PPP2R5D: variants seen among roughly 807,000 people sequenced by gnomAD.
PPP2R5D encodes protein phosphatase 2 regulatory subunit B'delta.
A neutral mutation model predicts 79.1 loss-of-function variants in PPP2R5D; 12 were observed. That is an observed-to-expected ratio of 0.15 (90% confidence interval 0.10 to 0.25). PPP2R5D has a LOEUF of 0.25. Among genes scored for constraint, PPP2R5D ranks in the 10% least tolerant of loss-of-function variants. The pLI is 1.00. For synonymous variants in PPP2R5D, 277 were observed against 286.6 expected, an observed-to-expected ratio of 0.97 and a Z score of 0.34; for missense variants, 419 against 760.2, an observed-to-expected ratio of 0.55 and a Z score of 5.28.
At position 43,007,129 on chromosome 6, in the gene PPP2R5D, C is replaced by T. The variant is rs751190730; in HGVS notation, c.522+19C>T. 53 of 1,613,970 alleles carry T rather than the reference C, an allele frequency of 3.3e-5. No individual in the cohort carries two copies. The highest frequency in any genetic ancestry group is 4.3e-5 in the Non-Finnish European group (51 of 1,179,992). On this transcript the variant is annotated intron_variant, in intron 4 of 15. Coordinates refer to ENST00000485511, the MANE Select transcript of PPP2R5D (RefSeq NM_006245.4). The surrounding 1 kb of genome is among the most constrained non-coding windows in gnomAD (Gnocchi z 4.5). ...CACCATGGTGGGCACAGGGAAAGGA[C>T]ACAGGGGGGACTGGTGAGGGGCTCT...
At chr6:42,999,454 C>T (rs937688355) in intron 2 of PPP2R5D, among the ~76,000 whole-genome samples, 7 of 152,206 alleles carry the variant, frequency 4.6e-5, no homozygotes, top group Admixed American at 1.3e-4. Flanking sequence ...GCAGGGCAGA[C>T]TAAGCCCATT....
rs552362927 is a variant in PPP2R5D at position 42,988,424 on chromosome 6, T to G, written c.28-1187T>G. Among the ~76,000 whole-genome samples, 4 of 152,294 alleles carry G rather than the reference T, an allele frequency of 2.6e-5. No individual in the cohort carries two copies. In the East Asian group the frequency reaches 5.8e-4, roughly 22 times the overall value. On this transcript the variant is annotated intron_variant, in intron 1 of 15. Transcript: ENST00000485511. ...TAGTGCAATTGCTCCATGATAAAAT[T>G]CTTCCTTGTTTGGAGCTTCAGGTGG...
chr6:43,010,940 C>T lies in PPP2R5D; in HGVS notation c.1614C>T (p.Thr538=), dbSNP rs150410961. ...LPPVYSMETE[T]PTAEDIQLLK... ...CTGTGTACTCGATGGAGACAGAGACCCCCACAGCTGAGGACATCCAGCTTC... is the reference window on the plus strand; with the variant it reads ...CTGTGTACTCGATGGAGACAGAGACTCCCACAGCTGAGGACATCCAGCTTC... Residue 538 remains threonine, a synonymous_variant, in exon 15 of 16, where the codon ACC becomes ACT. Transcript: ENST00000485511. The surrounding 1 kb of genome is among the most constrained non-coding windows in gnomAD (Gnocchi z 4.7). 6.1e-5 allele frequency: 99 copies of T among 1,614,146 alleles called. 1 individual carries two copies. In the African/African-American group the frequency reaches 1.1e-3, roughly 18 times the overall value.
intron 2 of PPP2R5D, among the ~76,000 whole-genome samples, chr6:43,001,435 G>C (rs113150048): frequency 0.011 from 1,710 of 152,200 alleles, 34 homozygotes; most frequent in African/African-American, 0.038. Context: ...CACTGTGCCC[G>C]GCCAGGATCC....
rs147389049 is a variant in PPP2R5D, at chr6:43,009,941, T to C, written c.1379+492T>C. Among the ~76,000 whole-genome samples, 446 of 152,194 alleles carry C rather than the reference T, an allele frequency of 2.9e-3. 3 individuals are homozygous for C. The highest frequency in any genetic ancestry group is 0.01 in the African/African-American group (416 of 41,530). ...AAAATTAGCTGGGTGTAGTGGTGGA[T>C]GCCTGTAGTCCCAGCTACTTGGGAG... On this transcript the variant is annotated intron_variant, in intron 12 of 15. Transcript: ENST00000485511. The surrounding 1 kb of genome is among the most constrained non-coding windows in gnomAD (Gnocchi z 5.6).
At position 43,006,720 on chromosome 6, in the gene PPP2R5D, A is replaced by G; in HGVS notation, c.322+41A>G. 1 of 1,601,336 alleles carries G rather than the reference A, an allele frequency of 6.2e-7. No individual in the cohort carries two copies. The highest frequency in any genetic ancestry group is 8.5e-7 in the Non-Finnish European group (1 of 1,171,682). ...TCACAGGGGCTGTTTTACCAGTTCT[A>G]GTGGGCATCGGGAGTTGGTGGAATG... On this transcript the variant is annotated intron_variant, in intron 3 of 15. Coordinates refer to ENST00000485511, the MANE Select transcript of PPP2R5D (RefSeq NM_006245.4). The surrounding 1 kb of genome is among the most constrained non-coding windows in gnomAD (Gnocchi z 4.7).
intron 1 of PPP2R5D, among the ~76,000 whole-genome samples, chr6:42,988,279 C>T (rs1771003132): frequency 6.6e-6 from 1 of 152,198 alleles, no homozygotes; most frequent in South Asian, 2.1e-4. Context: ...TTCCAAGATC[C>T]TCCAGTCCTC....
chr6:43,004,479 C>G (rs1259086112), intron 2 of PPP2R5D, among the ~76,000 whole-genome samples: 2 of 151,714 alleles, frequency 1.3e-5, no homozygotes, highest in African/African-American at 4.8e-5. Flanking sequence ...TTAGCTCTTT[C>G]CTCATTAGAT....
chr6:42,991,002 G>A (rs1771227210), intron 2 of PPP2R5D, among the ~76,000 whole-genome samples: 1 of 152,112 alleles, frequency 6.6e-6, no homozygotes, highest in African/African-American at 2.4e-5. Flanking sequence ...GTGAGCCACT[G>A]CACCCGGCCC....
intron 2 of PPP2R5D, among the ~76,000 whole-genome samples, chr6:43,001,680 C>T (rs569378652): frequency 2.0e-5 from 3 of 151,820 alleles, no homozygotes; most frequent in Non-Finnish European, 2.9e-5. Flanking sequence ...GTCAGGAGAT[C>T]GAGATCAGCC....
chr6:43,009,902 C>G lies in PPP2R5D; in HGVS notation c.1379+453C>G, dbSNP rs898123294. Among the ~76,000 whole-genome samples, 1 of 152,114 alleles carries G rather than the reference C, an allele frequency of 6.6e-6. No homozygotes were observed. The highest frequency in any genetic ancestry group is 1.5e-5 in the Non-Finnish European group (1 of 68,010). ...GCCCAACATAGTGAAACCCCCATCTCTACTAAAAATACAAAAATTAGCTGG... is the reference window on the plus strand; with the variant it reads ...GCCCAACATAGTGAAACCCCCATCTGTACTAAAAATACAAAAATTAGCTGG... On this transcript the variant is annotated intron_variant, in intron 12 of 15. Coordinates refer to ENST00000485511, the MANE Select transcript of PPP2R5D (RefSeq NM_006245.4). This position sits in a 1 kb window ranked among gnomAD's most constrained non-coding sequence, Gnocchi z 5.6.
intron 2 of PPP2R5D, among the ~76,000 whole-genome samples, chr6:42,992,567 G>A (rs1771345157): frequency 6.6e-6 from 1 of 151,872 alleles, no homozygotes; most frequent in South Asian, 2.1e-4. Context: ...TAATCCTAAT[G>A]CTTTGGGAAG....
chr6:42,993,590 C>G (rs550574695), intron 2 of PPP2R5D, among the ~76,000 whole-genome samples: 5 of 152,374 alleles, frequency 3.3e-5, no homozygotes, highest in African/African-American at 1.2e-4. Flanking sequence ...AGAATCTGTT[C>G]CACATCTCTC....
Position 43,010,433 on chromosome 6 carries a change from G to C in PPP2R5D, c.1380-35G>C, listed in dbSNP as rs1424647537. 6.3e-6 allele frequency: 10 copies of C among 1,587,410 alleles called. 1 individual carries two copies. The South Asian group carries it at 9.9e-5, about 16-fold the overall frequency. On this transcript the variant is annotated intron_variant, in intron 12 of 15. Coordinates refer to ENST00000485511, the MANE Select transcript of PPP2R5D (RefSeq NM_006245.4). This position sits in a 1 kb window ranked among gnomAD's most constrained non-coding sequence, Gnocchi z 4.7. ...GTTCCTCACGCTAAGGGCAGGCTCT[G>C]GCCTCCTACACCTCATCTTTCTTCT...
At position 43,012,073 on chromosome 6, in the gene PPP2R5D, G is replaced by T; in HGVS notation, c.*787G>T. ...CCAAAACTAGAAAGAAGGAAGCAGG[G>T]AGCGGTGCCCCAAGCATGGCTCCTG... On this transcript the variant is annotated 3_prime_UTR_variant, in exon 16 of 16. Coordinates refer to ENST00000485511, the MANE Select transcript of PPP2R5D (RefSeq NM_006245.4). 2.4e-6 allele frequency: 1 copy of T among 409,302 alleles called. No homozygotes were observed. The highest frequency in any genetic ancestry group is 3.3e-6 in the Non-Finnish European group (1 of 301,840). 25.4% of individuals were successfully genotyped at this position (409,302 alleles called of 1,614,324 possible).
Position 43,009,459 on chromosome 6 carries a change from TG to T in PPP2R5D, c.1379+14del, listed in dbSNP as rs1339278829. 1 of 1,613,916 alleles carries T rather than the reference TG, an allele frequency of 6.2e-7. No individual in the cohort carries two copies. The highest frequency in any genetic ancestry group is 1.7e-5 in the Admixed American group (1 of 59,994). On this transcript the variant is annotated intron_variant, in intron 12 of 15. Coordinates refer to ENST00000485511, the MANE Select transcript of PPP2R5D (RefSeq NM_006245.4). The surrounding 1 kb of genome is among the most constrained non-coding windows in gnomAD (Gnocchi z 5.6). ...AGAGCCACTGGAACAAGTAAGGCGC[TG>T]GGGTGGGGCTGGGTGGTGGGGATCC...
At position 43,009,553 on chromosome 6, in the gene PPP2R5D, T is replaced by A; in HGVS notation, c.1379+104T>A. ...GGGTCTCACCTAGTCACCCAGCAAG[T>A]GGGGCTGATGTCCCCTGCATGTTGA... On this transcript the variant is annotated intron_variant, in intron 12 of 15. Coordinates refer to ENST00000485511, the MANE Select transcript of PPP2R5D (RefSeq NM_006245.4). This position sits in a 1 kb window ranked among gnomAD's most constrained non-coding sequence, Gnocchi z 5.6. 6.8e-7 allele frequency: 1 copy of A among 1,478,196 alleles called. No individual in the cohort carries two copies. The allele number at this position is 1,478,196 out of a possible 1,614,324, so 91.6% of individuals were successfully genotyped here.
chr6:42,996,386 A>C (rs1298066476), intron 2 of PPP2R5D, among the ~76,000 whole-genome samples: 2 of 151,500 alleles, frequency 1.3e-5, no homozygotes, highest in East Asian at 2.0e-4. Context: ...AATGGCTGAA[A>C]CTGGGAGGCG....
In PPP2R5D at chr6:43,011,967, T is replaced by C. The variant is rs1337539227; in HGVS notation, c.*681T>C. The stretch of plus-strand genomic sequence containing the variant: ...AATAAACACCCTACCCCGTGCCCTG[T>C]CTTTGGTGAGCAGCAGCCCTGGGGT... On this transcript the variant is annotated 3_prime_UTR_variant, in exon 16 of 16. Coordinates refer to ENST00000485511, the MANE Select transcript of PPP2R5D (RefSeq NM_006245.4). 1.9e-5 allele frequency: 3 copies of C among 156,834 alleles called. No individual in the cohort carries two copies. Among genetic ancestry groups the C allele is most frequent in the Non-Finnish European group, 4.2e-5 (3 of 71,606 alleles). 9.7% of individuals were successfully genotyped at this position (156,834 alleles called of 1,614,324 possible).
Sources: gnomAD v4.1 joint callset for allele counts (sites outside exome capture counted in the v4.1 genomes callset) on GRCh38, gnomAD v4.1.1 for gene constraint, Gnocchi (gnomAD v3.1) non-coding constraint, MANE v1.5 for transcripts, NCBI Gene and HGNC (gene_info 2026-07-23, HGNC 2026-07-21) for gene names.